The following LIPM variants were observed in gnomAD, a reference collection of about 807,000 sequenced individuals.
LIPM encodes lipase member M.
Under a neutral mutation model 42.4 loss-of-function variants are expected in LIPM, and 42 were observed. The ratio of observed to expected loss-of-function variants is 0.99; its 90% CI spans 0.77 to 1.28. The LOEUF is 1.28. LIPM is among the 50% of genes most tolerant of loss of function. The pLI is 0.00. For missense variants in LIPM, 524 were observed against 520.1 expected (o/e 1.01, Z -0.07); for synonymous variants, 177 against 173.3 (o/e 1.02, Z -0.17).
chr10:88,813,090 T>C lies in LIPM; in HGVS notation c.266-7T>C. On this transcript the variant is annotated splice_region_variant and splice_polypyrimidine_tract_variant and intron_variant, in intron 2 of 8. Coordinates refer to ENST00000404743, the MANE Select transcript of LIPM (RefSeq NM_001128215.1). ...TTTCATACAGTTGAAATTTTCTCTTTTTGCAGGTTCCAGGCCTGTGGTGTT... is the reference window on the plus strand; with the variant it reads ...TTTCATACAGTTGAAATTTTCTCTTCTTGCAGGTTCCAGGCCTGTGGTGTT... 2 of 1,570,722 alleles carry C rather than the reference T, an allele frequency of 1.3e-6. No individual in the cohort carries two copies. Among genetic ancestry groups the C allele is most frequent in the Middle Eastern group, 3.3e-4 (2 of 5,996 alleles).
At chr10:88,807,682 A>G (rs989746490) in intron 1 of LIPM, among the ~76,000 whole-genome samples, 3 of 152,196 alleles carry the variant, frequency 2.0e-5, no homozygotes, top group African/African-American at 7.2e-5. Flanking sequence ...CACAGAGGGA[A>G]CTTTAACCTG....
intron 2 of LIPM, among the ~76,000 whole-genome samples, chr10:88,808,915 T>G: frequency 1.1e-4 from 1 of 9,280 alleles, no homozygotes; most frequent in South Asian, 3.9e-3. Context: ...ACATACATTT[T>G]ATTTTATTTT....
intron 4 of LIPM, 83 bp from the exon 5 acceptor site, chr10:88,815,005 A>C (rs768365266): frequency 1.5e-5 from 19 of 1,241,386 alleles, no homozygotes; most frequent in Admixed American, 1.3e-4. Flanking sequence ...TACTTATTGA[A>C]ATATGTATTT....
intron 2 of LIPM, among the ~76,000 whole-genome samples, chr10:88,808,817 C>T (rs944442110): frequency 6.6e-6 from 1 of 152,148 alleles, no homozygotes; most frequent in African/African-American, 2.4e-5. Flanking sequence ...CTCCTGTATA[C>T]TCTGTATTCC....
intron 1 of LIPM, among the ~76,000 whole-genome samples, chr10:88,806,243 A>G (rs925181548): frequency 1.3e-5 from 2 of 152,146 alleles, no homozygotes; most frequent in Admixed American, 6.5e-5. Flanking sequence ...TCAGATGTCC[A>G]TGTCCCTATC....
In LIPM at chr10:88,813,085, C is replaced by T; in HGVS notation, c.266-12C>T. 6.4e-7 allele frequency: 1 copy of T among 1,564,142 alleles called. No individual in the cohort carries two copies. Among genetic ancestry groups the T allele is most frequent in the Non-Finnish European group, 8.7e-7 (1 of 1,153,304 alleles). On this transcript the variant is annotated splice_polypyrimidine_tract_variant and intron_variant, in intron 2 of 8. Transcript: ENST00000404743. ...GAACATTTCATACAGTTGAAATTTT[C>T]TCTTTTTGCAGGTTCCAGGCCTGTG...
chr10:88,815,482 C>T lies in LIPM; in HGVS notation c.837C>T (p.Phe279=). ...ATATCATGTTACTTCTGGGTGGATT[C>T]AACACCAACAATATGAACATGGTAA... ...CSNIMLLLGG[F]NTNNMNMSRA... Residue 279 remains phenylalanine, a synonymous_variant, in exon 6 of 9, where the codon TTC becomes TTT. Coordinates refer to ENST00000404743, the MANE Select transcript of LIPM (RefSeq NM_001128215.1). 6.4e-7 allele frequency: 1 copy of T among 1,551,340 alleles called. No homozygotes were observed. Among genetic ancestry groups the T allele is most frequent in the Non-Finnish European group, 8.7e-7 (1 of 1,146,836 alleles).
At chr10:88,816,975 G>A in intron 7 of LIPM, 88 bp downstream of exon 7, 1 of 982,128 alleles carries the variant, frequency 1.0e-6, no homozygotes, top group Non-Finnish European at 1.6e-6. Context: ...ATAAGCCAGG[G>A]ATTATTTCAC....
At chr10:88,813,707 C>T (rs145793465) in intron 3 of LIPM, among the ~76,000 whole-genome samples, 5 of 152,046 alleles carry the variant, frequency 3.3e-5, no homozygotes, top group South Asian at 2.1e-4. Context: ...AAGAACTGCC[C>T]GAGACTAAGT....
intron 6 of LIPM, among the ~76,000 whole-genome samples, chr10:88,816,294 G>T (rs961609553): frequency 2.6e-5 from 4 of 151,962 alleles, no homozygotes; most frequent in Non-Finnish European, 5.9e-5. Flanking sequence ...CAGCAGCTGG[G>T]GCAACATTTC....
At chr10:88,804,219 G>A (rs947650853) in intron 1 of LIPM, among the ~76,000 whole-genome samples, 1 of 152,062 alleles carries the variant, frequency 6.6e-6, no homozygotes, top group African/African-American at 2.4e-5. Context: ...CATCCTTCTG[G>A]CCCTGAGACT....
chr10:88,806,845 C>T (rs142421034), intron 1 of LIPM, among the ~76,000 whole-genome samples: 64 of 152,178 alleles, frequency 4.2e-4, no homozygotes, highest in African/African-American at 1.4e-3. Flanking sequence ...CCACCACGCC[C>T]GGCTAATTTT....
At position 88,815,452 on chromosome 10, in the gene LIPM, T is replaced by C; in HGVS notation, c.807T>C (p.Cys269=). Residue 269 remains cysteine, a synonymous_variant, in exon 6 of 9, where the codon TGT becomes TGC. Coordinates refer to ENST00000404743, the MANE Select transcript of LIPM (RefSeq NM_001128215.1). ...LCGQVILDQI[C]SNIMLLLGGF... Reference sequence around the variant, plus strand: ...GCCAGGTGATTCTTGATCAGATTTGTAGTAATATCATGTTACTTCTGGGTG... The same window carrying C: ...GCCAGGTGATTCTTGATCAGATTTGCAGTAATATCATGTTACTTCTGGGTG... 3.2e-6 allele frequency: 5 copies of C among 1,551,476 alleles called. No individual in the cohort carries two copies. Among genetic ancestry groups the C allele is most frequent in the Non-Finnish European group, 4.4e-6 (5 of 1,146,770 alleles).
intron 2 of LIPM, among the ~76,000 whole-genome samples, chr10:88,809,111 C>T (rs1249625602): frequency 1.3e-5 from 2 of 151,914 alleles, no homozygotes; most frequent in Non-Finnish European, 2.9e-5. Context: ...TACACCACCA[C>T]ACCTGGCTAA....
chr10:88,820,388 G>A lies in LIPM; in HGVS notation c.1159G>A (p.Val387Met), dbSNP rs367563021. ...TAAGAATATTCCTGAATGGGCTCAC[G>A]TGGATTTCATCTGGGGTTTGGATGC... ...YHKNIPEWAH[V>M]DFIWGLDAPH... is the part of the protein sequence containing the mutation. The change falls in exon 9 of 9, where the codon GTG (valine) becomes ATG (methionine). Residue 387 changes from valine (V) to methionine (M), a missense_variant. Coordinates refer to ENST00000404743, the MANE Select transcript of LIPM (RefSeq NM_001128215.1). 1.2e-4 allele frequency: 189 copies of A among 1,552,234 alleles called. 1 individual carries two copies. In the African/African-American group the frequency reaches 2.1e-3, roughly 18 times the overall value.
chr10:88,809,738 G>T (rs1189331055), intron 2 of LIPM, among the ~76,000 whole-genome samples: 1 of 152,160 alleles, frequency 6.6e-6, no homozygotes, highest in African/African-American at 2.4e-5. Context: ...AAACGTTGGG[G>T]TTCTGTTTTA....
intron 1 of LIPM, among the ~76,000 whole-genome samples, chr10:88,803,628 T>G (rs1004631378): frequency 1.3e-5 from 2 of 151,260 alleles, no homozygotes; most frequent in African/African-American, 2.4e-5. Flanking sequence ...GGTTTTTTTT[T>G]TTTTTTTTTT....
intron 2 of LIPM, among the ~76,000 whole-genome samples, chr10:88,812,431 C>A (rs1471708623): frequency 1.3e-5 from 2 of 152,068 alleles, no homozygotes; most frequent in Admixed American, 1.3e-4. Flanking sequence ...TAATTTCAAT[C>A]TTTCTGAATT....
In LIPM at chr10:88,813,246, C is replaced by G. The variant is rs772784620; in HGVS notation, c.415C>G (p.Arg139Gly). The G allele has an allele frequency of 2.5e-6, 4 of 1,612,424 alleles. No homozygotes were observed. The highest frequency in any genetic ancestry group is 4.5e-5 in the East Asian group (2 of 44,750). ...GAACAGCAGGGGAAACGCCTGGTCT[C>G]GAAAACACAAGACACTCTCCATAGA... ...MGNSRGNAWS[R>G]KHKTLSIDQD... The change falls in exon 3 of 9, where the codon CGA (arginine) becomes GGA (glycine). Residue 139 changes from arginine to glycine, a missense_variant. Physicochemically the swap from Arg to Gly is moderately radical, Grantham distance 125 (BLOSUM62 -2). Coordinates refer to ENST00000404743, the MANE Select transcript of LIPM (RefSeq NM_001128215.1).
Sources: gnomAD v4.1 joint callset for allele counts (sites outside exome capture counted in the v4.1 genomes callset) on GRCh38, gnomAD v4.1.1 for gene constraint, MANE v1.5 for transcripts, NCBI Gene and HGNC (gene_info 2026-07-23, HGNC 2026-07-21) for gene names.